DOCK7: variants seen among roughly 807,000 people sequenced by gnomAD.
DOCK7 encodes the protein dedicator of cytokinesis protein 7.
A neutral mutation model predicts 271.0 loss-of-function variants in DOCK7; 138 were observed. That is an observed-to-expected ratio of 0.51 (90% confidence interval 0.44 to 0.59). DOCK7 has a LOEUF of 0.59. Ranked by LOEUF, DOCK7 falls within the 20% of genes least tolerant of loss-of-function variation. DOCK7 has a pLI of 0.00. For synonymous variants in DOCK7, 823 were observed against 876.1 expected, an observed-to-expected ratio of 0.94 and a Z score of 1.07; for missense variants, 2,066 against 2,592.4, an observed-to-expected ratio of 0.80 and a Z score of 4.41.
intron 48 of DOCK7, among the ~76,000 whole-genome samples, chr1:62,462,439 A>AT (rs1645557281): frequency 6.6e-6 from 1 of 152,236 alleles, no homozygotes; most frequent in Non-Finnish European, 1.5e-5. Context: ...TGAAAGAGAG[A>AT]TAAATAGAGT....
At chr1:62,472,604 G>A (rs1645863010) in intron 48 of DOCK7, among the ~76,000 whole-genome samples, 1 of 152,176 alleles carries the variant, frequency 6.6e-6, no homozygotes, top group African/African-American at 2.4e-5. Context: ...AAATGTCTAT[G>A]ACCTAAAGAA....
At chr1:62,619,112 G>A (rs1652818504) in intron 13 of DOCK7, among the ~76,000 whole-genome samples, 1 of 151,742 alleles carries the variant, frequency 6.6e-6, no homozygotes, top group Non-Finnish European at 1.5e-5. Context: ...TAAATGAATG[G>A]GAATGAAGGA....
At chr1:62,582,455 CAGG>C (rs1022063624) in intron 16 of DOCK7, among the ~76,000 whole-genome samples, 1 of 138,408 alleles carries the variant, frequency 7.2e-6, no homozygotes, top group Admixed American at 7.9e-5. Context: ...GAGGCTGAGG[CAGG>C]AGAATGGCGT....
At chr1:62,647,638 TA>T (rs1656832976) in intron 7 of DOCK7, 52 bp downstream of exon 7, 24 of 1,350,518 alleles carry the variant, frequency 1.8e-5, no homozygotes, top group Non-Finnish European at 2.4e-5. Flanking sequence ...ACATCACTAC[TA>T]AAATTTTATC....
intron 1 of DOCK7, among the ~76,000 whole-genome samples, chr1:62,678,967 C>T (rs936743787): frequency 1.3e-5 from 2 of 152,112 alleles, no homozygotes; most frequent in African/African-American, 4.8e-5. Flanking sequence ...GATTCTTACA[C>T]ATTGATGCCT....
At chr1:62,488,801 T>C (rs2149285586) in intron 42 of DOCK7, 133 bp downstream of exon 42, 1 of 1,170,198 alleles carries the variant, frequency 8.5e-7, no homozygotes, top group South Asian at 1.3e-5. Flanking sequence ...TGAACTATCA[T>C]TTTGACCGCT....
chr1:62,627,992 A>C (rs543631702), intron 11 of DOCK7: 3 of 67,908 alleles, frequency 4.4e-5, no homozygotes, highest in African/African-American at 1.9e-4. Flanking sequence ...CTTCAAAGGT[A>C]AAGTAATTTG....
intron 14 of DOCK7, among the ~76,000 whole-genome samples, chr1:62,599,637 C>T (rs1649817180): frequency 6.6e-6 from 1 of 151,784 alleles, no homozygotes; most frequent in Admixed American, 6.6e-5. Context: ...GTATATACTC[C>T]AGAATATAGA....
At chr1:62,465,898 A>G (rs1645662851) in intron 48 of DOCK7, among the ~76,000 whole-genome samples, 1 of 152,196 alleles carries the variant, frequency 6.6e-6, no homozygotes, top group Non-Finnish European at 1.5e-5. Flanking sequence ...TTATGTGGGT[A>G]TAGGATTGCT....
At chr1:62,514,069 T>C (rs1026611463) in intron 31 of DOCK7, among the ~76,000 whole-genome samples, 171 bp from the exon 32 acceptor site, 1 of 152,172 alleles carries the variant, frequency 6.6e-6, no homozygotes, top group Non-Finnish European at 1.5e-5. Flanking sequence ...TATATAACCT[T>C]AAGGTTAAGA....
At chr1:62,638,039 C>A (rs574232639) in intron 7 of DOCK7, among the ~76,000 whole-genome samples, 2 of 152,156 alleles carry the variant, frequency 1.3e-5, no homozygotes, top group Non-Finnish European at 2.9e-5. Flanking sequence ...TTGATACTGT[C>A]GGTCCATTTA....
At chr1:62,639,780 T>A (rs1655767272) in intron 7 of DOCK7, among the ~76,000 whole-genome samples, 1 of 152,072 alleles carries the variant, frequency 6.6e-6, no homozygotes, top group East Asian at 1.9e-4. Context: ...ATTATTACTA[T>A]CATGAACAAA....
At chr1:62,472,818 C>CAG (rs1386047062) in intron 48 of DOCK7, among the ~76,000 whole-genome samples, 3 of 152,174 alleles carry the variant, frequency 2.0e-5, no homozygotes, top group East Asian at 1.9e-4. Context: ...TGGTACATCT[C>CAG]AGAGAGAGAG....
intron 1 of DOCK7, among the ~76,000 whole-genome samples, chr1:62,665,816 C>G (rs571413470): frequency 6.6e-6 from 1 of 150,764 alleles, no homozygotes; most frequent in Non-Finnish European, 1.5e-5. Context: ...CTCAGTGTTT[C>G]TGGGGCTAAA....
chr1:62,546,353 C>A (rs542393941), intron 22 of DOCK7, among the ~76,000 whole-genome samples: 1 of 152,096 alleles, frequency 6.6e-6, no homozygotes, highest in East Asian at 1.9e-4. Flanking sequence ...TTTCCTCCAC[C>A]TTTTTTCATT....
chr1:62,468,317 C>T (rs1012531166), intron 48 of DOCK7, among the ~76,000 whole-genome samples: 5 of 148,692 alleles, frequency 3.4e-5, no homozygotes, highest in African/African-American at 7.5e-5. Context: ...GCCAAGATCG[C>T]GCCATTGCAC....
At chr1:62,503,841 A>T (rs550093740) in intron 37 of DOCK7, among the ~76,000 whole-genome samples, 1 of 152,176 alleles carries the variant, frequency 6.6e-6, no homozygotes, top group Admixed American at 6.5e-5. Context: ...AGGTCAGGAG[A>T]TCGAGACCAT....
chr1:62,462,649 A>C (rs1645564046), intron 48 of DOCK7, among the ~76,000 whole-genome samples: 2 of 152,188 alleles, frequency 1.3e-5, no homozygotes, highest in South Asian at 2.1e-4. Context: ...GGGAAAAAAA[A>C]CCTAAACCAT....
At chr1:62,554,843 C>A (rs1049987337) in intron 21 of DOCK7, among the ~76,000 whole-genome samples, 15 of 152,050 alleles carry the variant, frequency 9.9e-5, no homozygotes, top group African/African-American at 3.4e-4. Context: ...AATTATAAAC[C>A]AGAATATAAA....
Sources: allele counts gnomAD v4.1 joint callset (sites outside exome capture counted in the v4.1 genomes callset), GRCh38; gene constraint gnomAD v4.1.1; transcripts MANE v1.5; gene names NCBI Gene and HGNC (gene_info 2026-07-23, HGNC 2026-07-21).